Variants in KCNQ5 observed in about 807,000 individuals in gnomAD.
KCNQ5 encodes potassium voltage-gated channel subfamily KQT member 5.
Under a neutral mutation model 98.2 loss-of-function variants are expected in KCNQ5, and 30 were observed. The ratio of observed to expected loss-of-function variants is 0.31; its 90% confidence interval spans 0.23 to 0.41. The LOEUF (loss-of-function observed/expected upper bound fraction) is 0.41, where lower values mean the gene tolerates loss of function less well. Among genes scored for constraint, KCNQ5 ranks in the 10% least tolerant of loss-of-function variants. The pLI, the probability that KCNQ5 is intolerant of heterozygous loss-of-function variation, is 1.00. For missense variants in KCNQ5, 835 were observed against 1,182.5 expected, an observed-to-expected ratio of 0.71 and a Z score of 4.31; for synonymous variants, 458 against 449.4, an observed-to-expected ratio of 1.02 and a Z score of -0.24.
intron 1 of KCNQ5, among the ~76,000 whole-genome samples, chr6:72,742,668 A>G (rs964539606): frequency 2.0e-5 from 3 of 152,178 alleles, no homozygotes; most frequent in South Asian, 4.1e-4. Context: ...CCTCAATGAT[A>G]TATTTATTAA....
chr6:72,712,357 A>G (rs1368328735), intron 1 of KCNQ5, among the ~76,000 whole-genome samples: 1 of 152,216 alleles, frequency 6.6e-6, no homozygotes, highest in African/African-American at 2.4e-5. Flanking sequence ...AGAAGGAAAG[A>G]GAATATACAC....
At chr6:72,902,655 A>T (rs940443588) in intron 1 of KCNQ5, among the ~76,000 whole-genome samples, 4 of 152,068 alleles carry the variant, frequency 2.6e-5, no homozygotes, top group Non-Finnish European at 5.9e-5. Flanking sequence ...ATTGACTTGT[A>T]TATGTTAAAC....
At chr6:72,894,002 G>T (rs1779153547) in intron 1 of KCNQ5, among the ~76,000 whole-genome samples, 1 of 152,160 alleles carries the variant, frequency 6.6e-6, no homozygotes, top group Non-Finnish European at 1.5e-5. Context: ...ACTCCTAAAA[G>T]TATGATTAGA....
intron 1 of KCNQ5, among the ~76,000 whole-genome samples, chr6:72,750,256 G>A (rs1771608499): frequency 1.3e-5 from 2 of 151,978 alleles, no homozygotes; most frequent in African/African-American, 4.8e-5. Context: ...GTGAAAGAAT[G>A]CCTAGGAATG....
At chr6:73,104,535 G>A (rs1404846418) in intron 5 of KCNQ5, among the ~76,000 whole-genome samples, 1 of 152,126 alleles carries the variant, frequency 6.6e-6, no homozygotes, top group Non-Finnish European at 1.5e-5. Context: ...TGTTCTCACT[G>A]TTCTGCAGCT....
chr6:73,016,975 G>C (rs989460109), intron 2 of KCNQ5, among the ~76,000 whole-genome samples: 6 of 151,948 alleles, frequency 3.9e-5, no homozygotes, highest in African/African-American at 1.2e-4. Context: ...TTTCCCACTT[G>C]GTCTCTGATC....
intron 1 of KCNQ5, among the ~76,000 whole-genome samples, chr6:72,963,434 ATTTAT>A (rs1767466783): frequency 6.6e-6 from 1 of 152,168 alleles, no homozygotes; most frequent in African/African-American, 2.4e-5. Flanking sequence ...TAAGTGTATT[ATTTAT>A]TTTAATTTAT....
At chr6:73,150,850 G>GTA (rs755198018) in intron 10 of KCNQ5, among the ~76,000 whole-genome samples, 9 of 151,358 alleles carry the variant, frequency 5.9e-5, no homozygotes, top group Non-Finnish European at 1.3e-4. Flanking sequence ...GTGTGTGTGT[G>GTA]TATATCCATT....
intron 9 of KCNQ5, among the ~76,000 whole-genome samples, chr6:73,132,406 A>G (rs1776274562): frequency 6.6e-6 from 1 of 152,190 alleles, no homozygotes; most frequent in Non-Finnish European, 1.5e-5. Flanking sequence ...CAAGAAAAAA[A>G]AACAGAATGG....
At chr6:73,156,937 G>A (rs1363315990) in intron 10 of KCNQ5, among the ~76,000 whole-genome samples, 23 of 152,138 alleles carry the variant, frequency 1.5e-4, no homozygotes, top group Admixed American at 7.9e-4. Context: ...CTATCTGTTG[G>A]GTGGAGGCAG....
At chr6:72,788,279 T>C (rs542819817) in intron 1 of KCNQ5, among the ~76,000 whole-genome samples, 5 of 152,352 alleles carry the variant, frequency 3.3e-5, no homozygotes, top group African/African-American at 1.2e-4. Flanking sequence ...CAGATTCAAA[T>C]CCTGACTCTG....
At chr6:72,783,380 T>G (rs1773581594) in intron 1 of KCNQ5, among the ~76,000 whole-genome samples, 1 of 152,204 alleles carries the variant, frequency 6.6e-6, no homozygotes. Flanking sequence ...GAAAATGACC[T>G]TATAATATAG....
At chr6:72,883,400 C>T (rs982709202) in intron 1 of KCNQ5, among the ~76,000 whole-genome samples, 9 of 152,022 alleles carry the variant, frequency 5.9e-5, no homozygotes, top group Non-Finnish European at 8.8e-5. Flanking sequence ...GATAAGACTA[C>T]TTTTTCTGCT....
chr6:73,159,649 C>T (rs1046694721), intron 10 of KCNQ5, among the ~76,000 whole-genome samples: 1 of 152,112 alleles, frequency 6.6e-6, no homozygotes, highest in African/African-American at 2.4e-5. Context: ...GGTACAAGTT[C>T]ATGCTTTTAA....
chr6:73,127,551 T>C (rs1776041018), intron 9 of KCNQ5, among the ~76,000 whole-genome samples: 1 of 152,238 alleles, frequency 6.6e-6, no homozygotes, highest in Non-Finnish European at 1.5e-5. Context: ...GAGTGGGTCA[T>C]ACACAGAGAG....
intron 10 of KCNQ5, chr6:73,136,483 T>C (rs1236862154): frequency 6.6e-6 from 1 of 152,226 alleles, no homozygotes; most frequent in Non-Finnish European, 1.5e-5. Context: ...CTGTCATCTA[T>C]TTTCTAGGTC....
intron 1 of KCNQ5, among the ~76,000 whole-genome samples, chr6:72,658,358 G>A (rs968970992): frequency 1.4e-4 from 21 of 150,826 alleles, no homozygotes; most frequent in Non-Finnish European, 2.8e-4. Context: ...TTGGCTCACT[G>A]CAACCTCTGC....
intron 1 of KCNQ5, among the ~76,000 whole-genome samples, chr6:72,812,790 G>T (rs1775304550): frequency 1.3e-5 from 2 of 152,108 alleles, no homozygotes; most frequent in African/African-American, 4.8e-5. Context: ...ACATTGCAAA[G>T]GCTTTAAGAA....
At chr6:72,731,253 A>T (rs1770537996) in intron 1 of KCNQ5, among the ~76,000 whole-genome samples, 1 of 152,206 alleles carries the variant, frequency 6.6e-6, no homozygotes, top group African/African-American at 2.4e-5. Flanking sequence ...AAGGAAAGCC[A>T]CCAGATTTGT....
Sources: gnomAD v4.1 joint callset for allele counts (sites outside exome capture counted in the v4.1 genomes callset) on GRCh38, gnomAD v4.1.1 for gene constraint, MANE v1.5 for transcripts, NCBI Gene and HGNC (gene_info 2026-07-23, HGNC 2026-07-21) for gene names.